Variants in EFCAB11 observed in about 807,000 individuals in gnomAD.
EFCAB11 encodes EF-hand calcium-binding domain-containing protein 11.
EFCAB11 carries 14 observed loss-of-function variants against 23.0 expected under a neutral mutation model. That is an observed-to-expected ratio of 0.61 (90% CI 0.40 to 0.95). The LOEUF is 0.95. Among genes scored for constraint, EFCAB11 ranks in the 40% least tolerant of loss-of-function variants. The pLI is 0.00. For synonymous variants in EFCAB11, 65 were observed against 66.6 expected, an observed-to-expected ratio of 0.98 and a Z score of 0.11; for missense variants, 198 against 195.8, an observed-to-expected ratio of 1.01 and a Z score of -0.07.
At chr14:89,838,785 C>T (rs911963873) in intron 5 of EFCAB11, among the ~76,000 whole-genome samples, 1 of 152,182 alleles carries the variant, frequency 6.6e-6, no homozygotes, top group Non-Finnish European at 1.5e-5. Context: ...ACTATAATTT[C>T]TACTACCCAA....
chr14:89,889,651 A>C (rs1888900691), intron 5 of EFCAB11, among the ~76,000 whole-genome samples: 1 of 152,262 alleles, frequency 6.6e-6, no homozygotes, highest in Admixed American at 6.5e-5. Context: ...TGTGCAGACA[A>C]CATGGCTCCC....
intron 5 of EFCAB11, among the ~76,000 whole-genome samples, chr14:89,877,328 G>A (rs1166731782): frequency 6.6e-6 from 1 of 152,004 alleles, no homozygotes; most frequent in Non-Finnish European, 1.5e-5. Context: ...ATGAACCACC[G>A]CACCCGGCCA....
At chr14:89,893,887 A>G (rs1259125302) in intron 5 of EFCAB11, among the ~76,000 whole-genome samples, 3 of 152,050 alleles carry the variant, frequency 2.0e-5, no homozygotes, top group Non-Finnish European at 4.4e-5. Flanking sequence ...ACATATACAC[A>G]GACATGTTAT....
At chr14:89,912,686 G>A (rs1454623417) in intron 5 of EFCAB11, among the ~76,000 whole-genome samples, 1 of 152,206 alleles carries the variant, frequency 6.6e-6, no homozygotes, top group East Asian at 1.9e-4. Flanking sequence ...TTCTATGTGC[G>A]ACGAAAGATA....
chr14:89,926,825 A>C (rs2139798462), intron 5 of EFCAB11, among the ~76,000 whole-genome samples: 1 of 152,340 alleles, frequency 6.6e-6, no homozygotes, highest in Non-Finnish European at 1.5e-5. Context: ...TATGACCCCT[A>C]CTTGAGGATA....
intron 5 of EFCAB11, among the ~76,000 whole-genome samples, chr14:89,879,565 A>T (rs1888541366): frequency 6.6e-6 from 1 of 152,182 alleles, no homozygotes; most frequent in Admixed American, 6.5e-5. Context: ...AAAAACTCCC[A>T]AACACTTCAA....
intron 5 of EFCAB11, among the ~76,000 whole-genome samples, chr14:89,892,906 AAAAAGAAAAG>A (rs983788195): frequency 1.3e-5 from 2 of 152,080 alleles, no homozygotes; most frequent in Non-Finnish European, 2.9e-5. Context: ...TGTTTCAAAA[AAAAAGAAAAG>A]AAAAGAAAAG....
At chr14:89,948,050 A>AT (rs1282564743) in intron 3 of EFCAB11, among the ~76,000 whole-genome samples, 13 of 140,144 alleles carry the variant, frequency 9.3e-5, no homozygotes, top group Non-Finnish European at 1.8e-4. Flanking sequence ...TGCCATGTCC[A>AT]TTCATCCAGC....
chr14:89,950,612 ATTG>A (rs551432405), intron 2 of EFCAB11, among the ~76,000 whole-genome samples: 143 of 152,318 alleles, frequency 9.4e-4, no homozygotes, highest in Non-Finnish European at 1.2e-3. Flanking sequence ...AATGAAAATC[ATTG>A]TTATCATTTT....
intron 2 of EFCAB11, among the ~76,000 whole-genome samples, chr14:89,950,779 G>A (rs1013866789): frequency 1.3e-4 from 20 of 152,164 alleles, no homozygotes; most frequent in Non-Finnish European, 2.2e-4. Flanking sequence ...TAGAGCCTTC[G>A]CAGCATCTGA....
chr14:89,944,309 A>C (rs146704566), intron 3 of EFCAB11, among the ~76,000 whole-genome samples: 3 of 152,186 alleles, frequency 2.0e-5, no homozygotes, highest in Admixed American at 6.5e-5. Context: ...AGACTTATTC[A>C]CTATCACAAG....
At chr14:89,846,676 GC>G (rs1393691780) in intron 5 of EFCAB11, among the ~76,000 whole-genome samples, 2 of 152,130 alleles carry the variant, frequency 1.3e-5, no homozygotes, top group African/African-American at 4.8e-5. Context: ...CTTCTCTTCA[GC>G]ATCTTTGAGA....
At chr14:89,821,808 C>T (rs1886528319) in intron 5 of EFCAB11, among the ~76,000 whole-genome samples, 1 of 152,210 alleles carries the variant, frequency 6.6e-6, no homozygotes, top group African/African-American at 2.4e-5. Flanking sequence ...AAACTATTTT[C>T]AGCAACACTC....
intron 5 of EFCAB11, chr14:89,837,127 G>C (rs1243074973): frequency 2.2e-6 from 1 of 456,134 alleles, no homozygotes; most frequent in Middle Eastern, 4.5e-4. Flanking sequence ...GTAAACACTT[G>C]CTGAAAATCC....
At chr14:89,890,037 C>A (rs1460096784) in intron 5 of EFCAB11, among the ~76,000 whole-genome samples, 1 of 152,196 alleles carries the variant, frequency 6.6e-6, no homozygotes, top group Non-Finnish European at 1.5e-5. Context: ...GACCCATCAA[C>A]ACACTTGGAC....
At chr14:89,888,486 A>G (rs961547322) in intron 5 of EFCAB11, among the ~76,000 whole-genome samples, 1 of 152,218 alleles carries the variant, frequency 6.6e-6, no homozygotes, top group African/African-American at 2.4e-5. Flanking sequence ...TCACATGGCC[A>G]GAGCAGGAAC....
chr14:89,843,473 C>T (rs956405176), intron 5 of EFCAB11, among the ~76,000 whole-genome samples: 5 of 151,992 alleles, frequency 3.3e-5, no homozygotes, highest in Admixed American at 1.3e-4. Flanking sequence ...TGTAGAGATA[C>T]GGCTGTAGTA....
intron 5 of EFCAB11, among the ~76,000 whole-genome samples, chr14:89,874,743 T>C (rs1256426080): frequency 2.0e-5 from 3 of 152,066 alleles, no homozygotes; most frequent in Non-Finnish European, 4.4e-5. Flanking sequence ...TAACAAAAAA[T>C]TAGCCGGGCG....
chr14:89,811,901 G>A lies in EFCAB11; in HGVS notation c.411-14577C>T, dbSNP rs191548722. Among the ~76,000 whole-genome samples, 266 of 152,214 alleles carry A rather than the reference G, an allele frequency of 1.7e-3. 6 individuals carry two copies. The highest frequency in any genetic ancestry group is 2.9e-4 in the Non-Finnish European group (20 of 68,008). On this transcript the variant is annotated intron_variant, in intron 5 of 5. Transcript: ENST00000316738. Reference sequence around the variant, plus strand: ...AGGAGATGATCATGAATTTAGTTTCGGATATTTAAGTTTTACAAGTCTTTG... The same window carrying A: ...AGGAGATGATCATGAATTTAGTTTCAGATATTTAAGTTTTACAAGTCTTTG...
Sources: allele counts gnomAD v4.1 joint callset (sites outside exome capture counted in the v4.1 genomes callset), GRCh38; gene constraint gnomAD v4.1.1; transcripts MANE v1.5; gene names NCBI Gene and HGNC (gene_info 2026-07-23, HGNC 2026-07-21).